Variants in UNC45B observed in about 807,000 individuals in gnomAD.
The protein encoded by UNC45B is unc-45 myosin chaperone B.
Under a neutral mutation model 98.7 loss-of-function variants are expected in UNC45B, and 78 were observed. The ratio of observed to expected loss-of-function variants is 0.79; its 90% confidence interval spans 0.66 to 0.95. The LOEUF (loss-of-function observed/expected upper bound fraction) is 0.95, where lower values mean the gene tolerates loss of function less well. UNC45B is among the 40% of genes least tolerant of loss of function. The pLI is 0.00. For missense variants in UNC45B, 1,225 were observed against 1,184.9 expected (o/e 1.03, Z -0.50); for synonymous variants, 462 against 480.4 (o/e 0.96, Z 0.50).
intron 4 of UNC45B, 66 bp downstream of exon 4, chr17:35,150,289 G>A: frequency 1.3e-6 from 2 of 1,510,984 alleles, no homozygotes; most frequent in East Asian, 2.3e-5. Context: ...AGTAGGAATG[G>A]GTTAGGGAGG....
intron 13 of UNC45B, among the ~76,000 whole-genome samples, chr17:35,173,968 C>T (rs968042473): frequency 6.6e-6 from 1 of 151,920 alleles, no homozygotes. Context: ...CCCGCCACCA[C>T]GCCTGGCTCA....
In UNC45B at chr17:35,180,654, G is replaced by A. The variant is rs76329788; in HGVS notation, c.2351G>A (p.Cys784Tyr). ...CGGCAGGCGGCCACCGAGTGCATGT[G>A]CAACATGGTGCTCCACAAGGAGGTG... is the stretch of plus-strand genomic sequence containing the variant. ...QLRQAATECM[C>Y]NMVLHKEVQE... Residue 784 changes from cysteine (C) to tyrosine (Y), a missense_variant, in exon 18 of 20, where the codon TGC (cysteine) becomes TAC (tyrosine). Coordinates refer to ENST00000394570, the MANE Select transcript of UNC45B (RefSeq NM_001267052.2). 7,642 of 1,613,602 alleles carry A rather than the reference G, an allele frequency of 4.7e-3. 223 individuals are homozygous for A. In the South Asian group the frequency reaches 0.054, roughly 11 times the overall value.
At chr17:35,148,861 C>A in intron 2 of UNC45B, 112 bp from the exon 3 acceptor site, 1 of 1,341,644 alleles carries the variant, frequency 7.5e-7, no homozygotes, top group South Asian at 1.3e-5. Context: ...GGGCCTCTGA[C>A]AGCCTGCAGC....
chr17:35,178,249 T>C (rs2092249838), intron 17 of UNC45B, among the ~76,000 whole-genome samples: 1 of 152,196 alleles, frequency 6.6e-6, no homozygotes, highest in African/African-American at 2.4e-5. Context: ...TGGCGTGAGA[T>C]GGTGTCTCAT....
chr17:35,186,064 T>C (rs575786994), intron 19 of UNC45B, among the ~76,000 whole-genome samples: 6 of 152,202 alleles, frequency 3.9e-5, no homozygotes, highest in African/African-American at 1.2e-4. Flanking sequence ...GAGGTGGCAA[T>C]TGGGGCCGTG....
intron 18 of UNC45B, 66 bp from the exon 19 acceptor site, chr17:35,183,361 C>A: frequency 7.0e-7 from 1 of 1,426,910 alleles, no homozygotes; most frequent in South Asian, 1.7e-5. Flanking sequence ...TCAGATGTAT[C>A]TTTCCCTCTT....
At chr17:35,148,547 C>A in intron 2 of UNC45B, 116 bp downstream of exon 2, 1 of 1,269,050 alleles carries the variant, frequency 7.9e-7, no homozygotes, top group Non-Finnish European at 1.1e-6. Flanking sequence ...CTCCTGGATG[C>A]CTGGGGTTGG....
intron 7 of UNC45B, among the ~76,000 whole-genome samples, chr17:35,157,199 C>T (rs1418289458): frequency 6.6e-6 from 1 of 151,988 alleles, no homozygotes; most frequent in Non-Finnish European, 1.5e-5. Flanking sequence ...GCCATTTTTG[C>T]ATCTATGCTT....
intron 5 of UNC45B, among the ~76,000 whole-genome samples, chr17:35,154,027 C>G (rs899993563): frequency 6.6e-6 from 1 of 152,064 alleles, no homozygotes; most frequent in Non-Finnish European, 1.5e-5. Context: ...AGAGAAGTGC[C>G]GTGACTCACC....
chr17:35,149,456 GC>G (rs1160463846), intron 3 of UNC45B, among the ~76,000 whole-genome samples: 15 of 152,082 alleles, frequency 9.9e-5, no homozygotes, highest in Non-Finnish European at 4.4e-5. Flanking sequence ...TTGCTCTGTT[GC>G]CCAGACTGGA....
intron 3 of UNC45B, 112 bp downstream of exon 3, chr17:35,149,121 G>A (rs1288693757): frequency 8.1e-7 from 1 of 1,236,846 alleles, no homozygotes; most frequent in Non-Finnish European, 1.2e-6. Flanking sequence ...AGTGACTTCA[G>A]AAGGGAGAGA....
intron 15 of UNC45B, 88 bp from the exon 16 acceptor site, chr17:35,176,929 G>A (rs1057341724): frequency 3.9e-6 from 4 of 1,028,892 alleles, no homozygotes; most frequent in Non-Finnish European, 5.9e-6. Flanking sequence ...ACCTCCCATG[G>A]GACAGACAGA....
At chr17:35,176,973 T>G (rs771349379) in intron 15 of UNC45B, 44 bp from the exon 16 acceptor site, 20 of 1,522,012 alleles carry the variant, frequency 1.3e-5, no homozygotes, top group Non-Finnish European at 1.7e-5. Flanking sequence ...GCGAGAAGCC[T>G]CTGGATGTCT....
At chr17:35,150,326 A>G in intron 4 of UNC45B, 103 bp downstream of exon 4, 1 of 1,259,276 alleles carries the variant, frequency 7.9e-7, no homozygotes, top group Non-Finnish European at 1.1e-6. Flanking sequence ...GGCTAGCCCT[A>G]CCTCCACACT....
chr17:35,170,142 C>T lies in UNC45B; in HGVS notation c.1576C>T (p.Arg526Trp), dbSNP rs752740958. 13 of 1,613,044 alleles carry T rather than the reference C, an allele frequency of 8.1e-6. No homozygotes were observed. Among genetic ancestry groups the T allele is most frequent in the South Asian group, 6.6e-5 (6 of 90,970 alleles). Residue 526 changes from arginine (R) to tryptophan (W), a missense_variant, in exon 12 of 20, where the codon CGG becomes TGG. Arg to Trp is a moderately radical substitution (Grantham distance 101). Transcript: ENST00000394570. ...GCTGTGCAATATGTCCATAGACACT[C>T]GGACCCGACGCTGGGCAGTGGAGGG... ...KWLCNMSIDT[R>W]TRRWAVEGLA...
intron 1 of UNC45B, 28 bp from the exon 2 acceptor site, chr17:35,148,236 C>G: frequency 6.2e-7 from 1 of 1,612,998 alleles, no homozygotes; most frequent in Non-Finnish European, 8.5e-7. Context: ...GAGGGGCTGA[C>G]CAGACAGAGC....
Position 35,170,138 on chromosome 17 carries a change from C to T in UNC45B, c.1572C>T (p.Asp524=), listed in dbSNP as rs1567762857. The T allele has an allele frequency of 6.2e-7, 1 of 1,613,024 alleles. No individual in the cohort carries two copies. The highest frequency in any genetic ancestry group is 8.5e-7 in the Non-Finnish European group (1 of 1,179,336). The change falls in exon 12 of 20, where the codon GAC becomes GAT. Residue 524 remains aspartate, a synonymous_variant. Transcript: ENST00000394570. ...GGTGGCTGTGCAATATGTCCATAGA[C>T]ACTCGGACCCGACGCTGGGCAGTGG... ...CRKWLCNMSI[D]TRTRRWAVEG...
In UNC45B at chr17:35,187,727, G is replaced by A. The variant is rs533891417; in HGVS notation, c.*1168G>A. Reference sequence around the variant, plus strand: ...CTGGGCAGATCAAAGAACATATTCTGTATGTCAGGCTTGGCCACAAAAGAA... The same window carrying A: ...CTGGGCAGATCAAAGAACATATTCTATATGTCAGGCTTGGCCACAAAAGAA... On this transcript the variant is annotated 3_prime_UTR_variant, in exon 20 of 20. Coordinates refer to ENST00000394570, the MANE Select transcript of UNC45B (RefSeq NM_001267052.2). 6.6e-6 allele frequency: 1 copy of A among 152,366 alleles called. No individual in the cohort carries two copies. Among genetic ancestry groups the A allele is most frequent in the East Asian group, 1.9e-4 (1 of 5,190 alleles). The allele number at this position is 152,366 out of a possible 1,614,324, so 9.4% of individuals were successfully genotyped here. A position where few individuals can be genotyped will look rare whatever the true frequency, so the allele number is the denominator to read the frequency against.
intron 2 of UNC45B, 89 bp from the exon 3 acceptor site, chr17:35,148,884 C>T (rs2091995846): frequency 6.5e-7 from 1 of 1,527,824 alleles, no homozygotes; most frequent in South Asian, 1.1e-5. Flanking sequence ...CCCCAGGAAA[C>T]CCTCTCCCCA....
Sources: allele counts gnomAD v4.1 joint callset (sites outside exome capture counted in the v4.1 genomes callset), GRCh38; gene constraint gnomAD v4.1.1; transcripts MANE v1.5; gene names NCBI Gene and HGNC (gene_info 2026-07-23, HGNC 2026-07-21).